ZFHX3: variants seen among roughly 807,000 people sequenced by gnomAD.
The protein encoded by ZFHX3 is zinc finger homeobox 3, also known as zinc finger homeobox protein 3.
Under a neutral mutation model 279.1 loss-of-function variants are expected in ZFHX3, and 42 were observed. The observed-to-expected ratio is 0.15, with a 90% CI of 0.12 to 0.19. The LOEUF (loss-of-function observed/expected upper bound fraction) is 0.19, where lower values mean the gene tolerates loss of function less well. Among genes scored for constraint, ZFHX3 ranks in the 10% least tolerant of loss-of-function variants. The pLI is 1.00. For missense variants in ZFHX3, 4,981 were observed against 4,754.0 expected (o/e 1.05, Z -1.40); for synonymous variants, 2,293 against 1,957.8 (o/e 1.17, Z -4.52).
intron 3 of ZFHX3, among the ~76,000 whole-genome samples, chr16:72,950,100 T>G (rs1407110427): frequency 1.4e-5 from 2 of 141,760 alleles, no homozygotes. Context: ...AAAAAAGGAA[T>G]AAAGAGATGG....
intron 2 of ZFHX3, among the ~76,000 whole-genome samples, chr16:73,522,861 T>C (rs1056361676): frequency 6.6e-6 from 1 of 152,128 alleles, no homozygotes; most frequent in African/African-American, 2.4e-5. Context: ...AGCAAACACA[T>C]CCTTCTACAT....
At chr16:73,609,060 C>G (rs2052219517) in intron 2 of ZFHX3, 1 of 152,178 alleles carries the variant, frequency 6.6e-6, no homozygotes, top group East Asian at 1.9e-4. Flanking sequence ...TTTTCCTCCT[C>G]TAAATTGGCA....
rs921681278 is a variant in ZFHX3 at position 72,793,144 on chromosome 16, G to A, written c.9427+111C>T. 1 of 1,499,052 alleles carries A rather than the reference G, an allele frequency of 6.7e-7. No homozygotes were observed. Among genetic ancestry groups the A allele is most frequent in the African/African-American group, 1.4e-5 (1 of 71,324 alleles). 92.9% of individuals were successfully genotyped at this position (1,499,052 alleles called of 1,614,324 possible). ...CTTGTTGCTTTTAAAGAACTAGAAA[G>A]GTAAGCTTCCCATCTGCCCAGCACT... On this transcript the variant is annotated intron_variant, in intron 9 of 9. Transcript: ENST00000268489. The surrounding 1 kb of genome is among the most constrained non-coding windows in gnomAD (Gnocchi z 4.3).
chr16:73,324,938 C>T (rs2015651184), intron 3 of ZFHX3, among the ~76,000 whole-genome samples: 1 of 152,180 alleles, frequency 6.6e-6, no homozygotes, highest in African/African-American at 2.4e-5. Context: ...TTGCTCTTTT[C>T]TTGATCACTT....
At chr16:73,508,461 C>T (rs1385419886) in intron 2 of ZFHX3, among the ~76,000 whole-genome samples, 2 of 152,142 alleles carry the variant, frequency 1.3e-5, no homozygotes, top group Non-Finnish European at 2.9e-5. Context: ...TACTCCATGC[C>T]AGTGAAAGGA....
At chr16:73,626,337 C>T (rs2052416382) in intron 2 of ZFHX3, among the ~76,000 whole-genome samples, 1 of 152,050 alleles carries the variant, frequency 6.6e-6, no homozygotes, top group Admixed American at 6.6e-5. Context: ...AATGCCACGC[C>T]TTTGGTTTCC....
chr16:73,719,649 T>A (rs1224360936), intron 1 of ZFHX3, among the ~76,000 whole-genome samples: 1 of 152,192 alleles, frequency 6.6e-6, no homozygotes, highest in African/African-American at 2.4e-5. Context: ...TTTTTTATTT[T>A]TTTATTTTTT....
intron 1 of ZFHX3, among the ~76,000 whole-genome samples, chr16:73,831,945 G>T (rs1961008011): frequency 6.6e-6 from 1 of 152,200 alleles, no homozygotes; most frequent in Non-Finnish European, 1.5e-5. Flanking sequence ...CTGTCACCCA[G>T]GCTGGAGTGC....
At chr16:73,174,899 C>G (rs11075972) in intron 5 of ZFHX3, among the ~76,000 whole-genome samples, 2 of 146,512 alleles carry the variant, frequency 1.4e-5, no homozygotes, top group Non-Finnish European at 1.5e-5. Context: ...CCAGGCATGG[C>G]GGCACATGCT....
chr16:73,561,982 A>C (rs1056473138), intron 2 of ZFHX3, among the ~76,000 whole-genome samples: 5 of 152,232 alleles, frequency 3.3e-5, no homozygotes, highest in Non-Finnish European at 7.3e-5. Flanking sequence ...GTGCTGAAAT[A>C]GATTTTGTTT....
intron 2 of ZFHX3, among the ~76,000 whole-genome samples, chr16:73,590,065 G>A (rs1241913417): frequency 1.3e-5 from 2 of 152,134 alleles, no homozygotes; most frequent in Non-Finnish European, 2.9e-5. Flanking sequence ...CATATTGTAG[G>A]ATAAAGAAAA....
intron 2 of ZFHX3, among the ~76,000 whole-genome samples, chr16:73,660,165 C>T (rs531840865): frequency 6.6e-6 from 1 of 152,304 alleles, no homozygotes; most frequent in South Asian, 2.1e-4. Flanking sequence ...ACAAGGAGGG[C>T]TTACAGAACA....
At chr16:73,154,774 G>T (rs1007222311) in intron 5 of ZFHX3, among the ~76,000 whole-genome samples, 1 of 152,076 alleles carries the variant, frequency 6.6e-6, no homozygotes, top group Non-Finnish European at 1.5e-5. Flanking sequence ...CTAAAGATGG[G>T]TGAAGAAAGG....
At chr16:73,471,614 T>C (rs1311064860) in intron 2 of ZFHX3, among the ~76,000 whole-genome samples, 1 of 152,144 alleles carries the variant, frequency 6.6e-6, no homozygotes, top group Non-Finnish European at 1.5e-5. Flanking sequence ...TCTTCAGTTT[T>C]ACCCTTCACT....
intron 4 of ZFHX3, among the ~76,000 whole-genome samples, chr16:73,270,491 C>T (rs1166059690): frequency 6.6e-6 from 1 of 152,186 alleles, no homozygotes; most frequent in African/African-American, 2.4e-5. Flanking sequence ...CAGCACCCAG[C>T]CCAGGGTCAA....
intron 3 of ZFHX3, among the ~76,000 whole-genome samples, chr16:72,901,002 A>T (rs555773662): frequency 1.1e-3 from 167 of 152,326 alleles, no homozygotes; most frequent in African/African-American, 3.9e-3. Flanking sequence ...ATGCCTGCAC[A>T]CAAGAATTCA....
intron 3 of ZFHX3, among the ~76,000 whole-genome samples, chr16:73,455,148 A>G (rs1337337067): frequency 2.7e-5 from 4 of 150,700 alleles, no homozygotes; most frequent in Admixed American, 2.6e-4. Flanking sequence ...TTGATAGAAA[A>G]CAAGACCTAC....
At chr16:73,633,510 A>G (rs1264585473) in intron 2 of ZFHX3, among the ~76,000 whole-genome samples, 1 of 152,232 alleles carries the variant, frequency 6.6e-6, no homozygotes, top group African/African-American at 2.4e-5. Context: ...AATGATCAGG[A>G]CTTCGAGACT....
At chr16:73,410,854 C>G (rs925262249) in intron 3 of ZFHX3, among the ~76,000 whole-genome samples, 3 of 152,234 alleles carry the variant, frequency 2.0e-5, no homozygotes, top group Admixed American at 6.5e-5. Context: ...CCCGTAACAA[C>G]CCATGGGTGA....
Sources: allele counts gnomAD v4.1 joint callset (sites outside exome capture counted in the v4.1 genomes callset), GRCh38; gene constraint gnomAD v4.1.1; non-coding constraint Gnocchi (gnomAD v3.1); transcripts MANE v1.5; gene names NCBI Gene and HGNC (gene_info 2026-07-23, HGNC 2026-07-21).